The following RELB variants were observed in gnomAD, a reference collection of about 807,000 sequenced individuals.
RELB encodes the protein transcription factor RelB.
In RELB, 14 loss-of-function variants were observed where a neutral mutation model predicts 55.4. The observed-to-expected ratio is 0.25, with a 90% CI of 0.17 to 0.40. RELB has a LOEUF of 0.40. Among genes scored for constraint, RELB ranks in the 10% least tolerant of loss-of-function variants. RELB has a pLI of 1.00. For missense variants in RELB, 669 were observed against 830.7 expected (o/e 0.81, Z 2.39); for synonymous variants, 409 against 371.3 (o/e 1.10, Z -1.17).
chr19:45,004,167 C>G (rs1419125961), intron 2 of RELB, among the ~76,000 whole-genome samples: 1 of 151,482 alleles, frequency 6.6e-6, no homozygotes, highest in African/African-American at 2.4e-5. Context: ...ATCCGCCCGC[C>G]TCAGCCTCCC....
In RELB at chr19:45,002,855, G is replaced by C. The variant is rs1052391881; in HGVS notation, c.107-94G>C. On this transcript the variant is annotated intron_variant, in intron 1 of 11. Coordinates refer to ENST00000221452, the MANE Select transcript of RELB (RefSeq NM_006509.4). ...CGAGGGGCCTGATCCAGAGGGGAAGGGCTAGAAGAGGAAGGGGTGGGGCTT... is the reference window on the plus strand; with the variant it reads ...CGAGGGGCCTGATCCAGAGGGGAAGCGCTAGAAGAGGAAGGGGTGGGGCTT... The C allele has an allele frequency of 9.6e-6, 10 of 1,042,360 alleles. No homozygotes were observed. The Admixed American group carries it at 1.2e-4, about 13-fold the overall frequency. The allele number at this position is 1,042,360 out of a possible 1,614,324, so 64.6% of individuals were successfully genotyped here.
At position 45,025,724 on chromosome 19, in the gene RELB, C is replaced by T. The variant is rs543922698; in HGVS notation, c.873C>T (p.Pro291=). ...MRRMDPVLSE[P]VYDKKSTNTS... is the part of the protein sequence containing the mutation. ...GGATGGATCCTGTGCTTTCCGAGCC[C>T]GTCTATGACAAGAGTGAGTTGAGAG... Residue 291 remains proline (P), a synonymous_variant, in exon 7 of 12, where the codon CCC becomes CCT. Coordinates refer to ENST00000221452, the MANE Select transcript of RELB (RefSeq NM_006509.4). 21 of 1,613,926 alleles carry T rather than the reference C, an allele frequency of 1.3e-5. 1 individual carries two copies. In the East Asian group the frequency reaches 1.6e-4, roughly 12 times the overall value.
intron 4 of RELB, among the ~76,000 whole-genome samples, chr19:45,019,182 C>T (rs1399703759): frequency 1.3e-5 from 2 of 152,042 alleles, no homozygotes; most frequent in Admixed American, 1.3e-4. Flanking sequence ...CCCATCTTAG[C>T]CTCCTGAGTA....
chr19:45,027,182 G>A (rs966815619), intron 7 of RELB, among the ~76,000 whole-genome samples: 8 of 147,830 alleles, frequency 5.4e-5, no homozygotes, highest in African/African-American at 2.0e-4. Context: ...GCAGTGAGCC[G>A]AGATCGCACC....
At chr19:45,019,645 G>A (rs372560077) in intron 4 of RELB, among the ~76,000 whole-genome samples, 2 of 151,924 alleles carry the variant, frequency 1.3e-5, no homozygotes, top group East Asian at 3.9e-4. Flanking sequence ...TATCTCATTA[G>A]TCTCTCTCCT....
At chr19:45,017,891 C>T (rs1353809659) in intron 4 of RELB, among the ~76,000 whole-genome samples, 3 of 151,222 alleles carry the variant, frequency 2.0e-5, no homozygotes, top group Non-Finnish European at 2.9e-5. Context: ...GTGATCCACC[C>T]GCCTCAGCCT....
chr19:45,032,231 T>A (rs1192176102), intron 8 of RELB, among the ~76,000 whole-genome samples: 1 of 150,540 alleles, frequency 6.6e-6, no homozygotes, highest in African/African-American at 2.5e-5. Flanking sequence ...TGAGACTCCA[T>A]CTCAAAAACA....
intron 8 of RELB, 196 bp from the exon 9 acceptor site, chr19:45,032,338 G>A: frequency 7.6e-6 from 4 of 527,888 alleles, no homozygotes; most frequent in Non-Finnish European, 1.4e-5. Context: ...AGAATTGCTT[G>A]AACCCGGGAG....
chr19:45,003,238 G>A (rs1474813507), intron 2 of RELB, among the ~76,000 whole-genome samples: 3 of 152,070 alleles, frequency 2.0e-5, no homozygotes, highest in East Asian at 3.9e-4. Flanking sequence ...TTGGGAGGCC[G>A]AGGCGGACGG....
At chr19:45,010,823 A>G (rs907744885) in intron 3 of RELB, among the ~76,000 whole-genome samples, 4 of 151,898 alleles carry the variant, frequency 2.6e-5, no homozygotes, top group African/African-American at 9.7e-5. Flanking sequence ...GAGTACAGGC[A>G]TGCACCAACA....
intron 2 of RELB, among the ~76,000 whole-genome samples, chr19:45,005,894 G>A (rs1027159826): frequency 2.6e-5 from 4 of 152,100 alleles, no homozygotes; most frequent in African/African-American, 7.2e-5. Flanking sequence ...ATGAGCCACC[G>A]TGCCCGGCCA....
rs767065056 is a variant in RELB, at chr19:45,032,583, C to T, written c.1041C>T (p.Asp347=). The T allele has an allele frequency of 6.2e-7, 1 of 1,613,664 alleles. No homozygotes were observed. Among genetic ancestry groups the T allele is most frequent in the Non-Finnish European group, 8.5e-7 (1 of 1,179,794 alleles). Residue 347 remains aspartate, a synonymous_variant, in exon 9 of 12, where the codon GAC becomes GAT. Transcript: ENST00000221452. ...GGGCCTCCTGGGAAGGTCGGGCTGA[C>T]TTCTCCCAGGCCGACGTGCACCGCC... ...FSRASWEGRA[D]FSQADVHRQI...
chr19:45,014,528 T>C, intron 4 of RELB, among the ~76,000 whole-genome samples: 1 of 17,946 alleles, frequency 5.6e-5, no homozygotes, highest in South Asian at 1.2e-3. Flanking sequence ...TGTTTTTTGG[T>C]TTTTTTTTTG....
At chr19:45,007,808 A>G (rs544427152) in intron 2 of RELB, among the ~76,000 whole-genome samples, 2,008 of 129,886 alleles carry the variant, frequency 0.015, 22 homozygotes, top group Non-Finnish European at 0.022. Flanking sequence ...CAGTGAGCCA[A>G]GAATGCACCA....
chr19:45,012,899 A>C (rs1160735231), intron 4 of RELB, among the ~76,000 whole-genome samples: 3 of 151,900 alleles, frequency 2.0e-5, no homozygotes, highest in Admixed American at 6.6e-5. Context: ...AAATACAAAA[A>C]TTAGCCAGGT....
chr19:45,031,414 T>C (rs925609468), intron 8 of RELB, among the ~76,000 whole-genome samples: 1 of 151,972 alleles, frequency 6.6e-6, no homozygotes, highest in Non-Finnish European at 1.5e-5. Context: ...TGTGGGCCAC[T>C]ATGCCTGGAC....
chr19:45,035,563 T>C (rs546920300), intron 11 of RELB, among the ~76,000 whole-genome samples: 85 of 150,034 alleles, frequency 5.7e-4, no homozygotes, highest in African/African-American at 2.0e-3. Context: ...CACTGTGGCT[T>C]ACGCCTGTAA....
chr19:45,033,366 T>C (rs1005546107), intron 9 of RELB, among the ~76,000 whole-genome samples: 3 of 152,014 alleles, frequency 2.0e-5, no homozygotes, highest in Admixed American at 6.6e-5. Context: ...GGATTGTGCC[T>C]GGGGTGCTCC....
intron 2 of RELB, among the ~76,000 whole-genome samples, chr19:45,004,063 C>T (rs1971252414): frequency 6.6e-6 from 1 of 150,882 alleles, no homozygotes; most frequent in South Asian, 2.1e-4. Flanking sequence ...GCTGGGATTA[C>T]AGGCACCCGC....
Sources: gnomAD v4.1 joint callset for allele counts (sites outside exome capture counted in the v4.1 genomes callset) on GRCh38, gnomAD v4.1.1 for gene constraint, MANE v1.5 for transcripts, NCBI Gene and HGNC (gene_info 2026-07-23, HGNC 2026-07-21) for gene names.